The following RBFOX1 variants were observed in gnomAD, a reference collection of about 807,000 sequenced individuals.
The protein encoded by RBFOX1 is RNA binding protein fox-1 homolog 1.
RBFOX1 carries 8 observed loss-of-function variants against 57.7 expected under a neutral mutation model. The observed-to-expected ratio is 0.14, with a 90% CI of 0.08 to 0.25. The LOEUF (loss-of-function observed/expected upper bound fraction) is 0.25, where lower values mean the gene tolerates loss of function less well. Ranked by LOEUF, RBFOX1 falls within the 10% of genes least tolerant of loss-of-function variation. The pLI is 1.00. For synonymous variants in RBFOX1, 326 were observed against 222.4 expected, an observed-to-expected ratio of 1.47 and a Z score of -4.15; for missense variants, 611 against 548.5, an observed-to-expected ratio of 1.11 and a Z score of -1.14.
chr16:5,581,917 A>C (rs1245300690), intron 2 of RBFOX1, among the ~76,000 whole-genome samples: 1 of 152,214 alleles, frequency 6.6e-6, no homozygotes, highest in African/African-American at 2.4e-5. Context: ...AGGACGCTGT[A>C]ATGTAGATGA....
intron 4 of RBFOX1, among the ~76,000 whole-genome samples, chr16:7,081,764 G>A (rs1431261421): frequency 6.6e-6 from 1 of 152,096 alleles, no homozygotes; most frequent in African/African-American, 2.4e-5. Context: ...CCTGGCCTTG[G>A]TAACATGGAT....
chr16:5,404,274 C>T (rs1474276584), intron 1 of RBFOX1, among the ~76,000 whole-genome samples: 3 of 152,116 alleles, frequency 2.0e-5, no homozygotes, highest in Admixed American at 1.3e-4. Flanking sequence ...TACAATTGCA[C>T]GTGTACCCCA....
intron 4 of RBFOX1, among the ~76,000 whole-genome samples, chr16:7,195,835 G>A (rs1310887994): frequency 6.6e-6 from 1 of 152,150 alleles, no homozygotes; most frequent in Non-Finnish European, 1.5e-5. Flanking sequence ...TTACAGGCAT[G>A]AACCACTGTG....
chr16:7,385,247 C>G (rs746791111), intron 4 of RBFOX1, among the ~76,000 whole-genome samples: 1 of 152,072 alleles, frequency 6.6e-6, no homozygotes, highest in Non-Finnish European at 1.5e-5. Context: ...GAAACATAGA[C>G]CAGTGGGGCC....
chr16:6,691,966 G>A (rs2060268445), intron 3 of RBFOX1, among the ~76,000 whole-genome samples: 1 of 152,080 alleles, frequency 6.6e-6, no homozygotes, highest in Admixed American at 6.5e-5. Context: ...TTTTGAAGCT[G>A]GAAAAGTTAG....
intron 2 of RBFOX1, among the ~76,000 whole-genome samples, chr16:6,601,025 G>C (rs1224122200): frequency 6.6e-6 from 1 of 152,110 alleles, no homozygotes; most frequent in Non-Finnish European, 1.5e-5. Flanking sequence ...ATAGAAGGTA[G>C]AGGAATGAAA....
intron 3 of RBFOX1, among the ~76,000 whole-genome samples, chr16:7,020,534 C>G (rs895834530): frequency 1.3e-5 from 2 of 152,074 alleles, no homozygotes; most frequent in Admixed American, 6.5e-5. Context: ...AAAATATTTT[C>G]AAAATATAAT....
intron 4 of RBFOX1, among the ~76,000 whole-genome samples, chr16:7,191,102 C>G (rs754002527): frequency 1.3e-5 from 2 of 152,008 alleles, no homozygotes; most frequent in Non-Finnish European, 2.9e-5. Context: ...AACTGTGATT[C>G]CTAACCCAGA....
At chr16:7,318,590 T>A (rs1603619758) in intron 4 of RBFOX1, among the ~76,000 whole-genome samples, 2 of 152,344 alleles carry the variant, frequency 1.3e-5, no homozygotes, top group South Asian at 4.1e-4. Context: ...ATTTAATGTT[T>A]GTTAAAATCA....
chr16:6,677,998 A>C (rs1448077440), intron 3 of RBFOX1, among the ~76,000 whole-genome samples: 1 of 152,234 alleles, frequency 6.6e-6, no homozygotes, highest in Non-Finnish European at 1.5e-5. Flanking sequence ...GTAATGTTAC[A>C]TTTTCTAGTA....
In RBFOX1 at chr16:7,693,239, T is replaced by G. The variant is rs1029587832; in HGVS notation, c.996-15817T>G. The G allele has an allele frequency of 2.4e-6, 3 of 1,266,614 alleles. No homozygotes were observed. In the African/African-American group the frequency reaches 4.4e-5, roughly 19 times the overall value. 78.5% of individuals were successfully genotyped at this position (1,266,614 alleles called of 1,614,324 possible). Reference sequence around the variant, plus strand: ...CAGCACCCTTCCCTCCCCTCATCTGTACACATCGAAGCAATTGGCAGAGAG... The same window carrying G: ...CAGCACCCTTCCCTCCCCTCATCTGGACACATCGAAGCAATTGGCAGAGAG... On this transcript the variant is annotated intron_variant, in intron 14 of 15. Coordinates refer to ENST00000550418, the MANE Select transcript of RBFOX1 (RefSeq NM_018723.4).
intron 4 of RBFOX1, among the ~76,000 whole-genome samples, chr16:7,139,534 G>A (rs190789029): frequency 3.9e-5 from 6 of 152,082 alleles, no homozygotes; most frequent in Non-Finnish European, 7.4e-5. Context: ...GCTTAACATG[G>A]TTCCTGGCAT....
At chr16:6,450,825 A>ATATGTATATACATATATATATATG (rs1567303610) in intron 2 of RBFOX1, among the ~76,000 whole-genome samples, 3 of 14,580 alleles carry the variant, frequency 2.1e-4, no homozygotes, top group Admixed American at 1.3e-3. Flanking sequence ...ATACATATAT[A>ATATGTATATACATATATATATATG]TATATATATA....
At chr16:7,290,799 C>G (rs1026764444) in intron 4 of RBFOX1, among the ~76,000 whole-genome samples, 1 of 152,138 alleles carries the variant, frequency 6.6e-6, no homozygotes, top group African/African-American at 2.4e-5. Flanking sequence ...CATTAACACT[C>G]GCTGTAATGT....
chr16:6,231,730 G>C (rs989791071), intron 1 of RBFOX1, among the ~76,000 whole-genome samples: 2 of 151,976 alleles, frequency 1.3e-5, no homozygotes, highest in African/African-American at 4.8e-5. Context: ...AAGTGGTGTT[G>C]TGTATGCTGT....
chr16:5,462,129 C>T (rs1035412236), intron 1 of RBFOX1, among the ~76,000 whole-genome samples: 1 of 151,440 alleles, frequency 6.6e-6, no homozygotes, highest in South Asian at 2.1e-4. Flanking sequence ...ATCCCATGAG[C>T]AAGCATAAAA....
chr16:7,710,296 C>A, intron 15 of RBFOX1: 1 of 1,144,220 alleles, frequency 8.7e-7, no homozygotes, highest in South Asian at 2.7e-5. Context: ...ACAACTGGTC[C>A]AAATTCAACC....
chr16:5,516,601 C>G (rs772135253), intron 2 of RBFOX1, among the ~76,000 whole-genome samples: 1 of 152,162 alleles, frequency 6.6e-6, no homozygotes, highest in Non-Finnish European at 1.5e-5. Flanking sequence ...CTCAATAAAT[C>G]TTGATTCCTG....
intron 2 of RBFOX1, among the ~76,000 whole-genome samples, chr16:6,429,788 G>A (rs2094026445): frequency 6.6e-6 from 1 of 152,022 alleles, no homozygotes; most frequent in Admixed American, 6.6e-5. Flanking sequence ...TTTGTCTTTC[G>A]TCATGAATGT....
Sources: allele counts gnomAD v4.1 joint callset (sites outside exome capture counted in the v4.1 genomes callset), GRCh38; gene constraint gnomAD v4.1.1; transcripts MANE v1.5; gene names NCBI Gene and HGNC (gene_info 2026-07-23, HGNC 2026-07-21).